CYSTM1: variants seen among roughly 807,000 people sequenced by gnomAD.
CYSTM1 encodes the protein cysteine-rich transmembrane module-containing protein 1.
A neutral mutation model predicts 13.1 loss-of-function variants in CYSTM1; 4 were observed. That is an observed-to-expected ratio of 0.31 (90% confidence interval 0.15 to 0.70). The LOEUF is 0.70. Ranked by LOEUF, CYSTM1 falls within the 30% of genes least tolerant of loss-of-function variation. CYSTM1 has a pLI of 0.72. For synonymous variants in CYSTM1, 36 were observed against 42.7 expected, an observed-to-expected ratio of 0.84 and a Z score of 0.62; for missense variants, 96 against 121.6, an observed-to-expected ratio of 0.79 and a Z score of 0.99.
chr5:140,193,706 G>C (rs1764119299), intron 1 of CYSTM1, among the ~76,000 whole-genome samples: 1 of 152,216 alleles, frequency 6.6e-6, no homozygotes, highest in Non-Finnish European at 1.5e-5. Context: ...TTGGGGGCTG[G>C]GAAGCGTGGC....
chr5:140,177,567 A>G lies in CYSTM1; in HGVS notation c.-21+2282A>G, dbSNP rs575887812. Among the ~76,000 whole-genome samples, 3 of 152,306 alleles carry G rather than the reference A, an allele frequency of 2.0e-5. No homozygotes were observed. In the South Asian group the frequency reaches 6.2e-4, roughly 32 times the overall value. On this transcript the variant is annotated intron_variant, in intron 1 of 2. Transcript: ENST00000261811. ...GGCCGCAGCTGGTTTGTGCGTAAAT[A>G]TAGAAACCGGTGCAGCACTCAAAGG...
chr5:140,194,653 G>A lies in CYSTM1; in HGVS notation c.187+1G>A. The A allele has an allele frequency of 6.2e-7, 1 of 1,609,620 alleles. No homozygotes were observed. The highest frequency in any genetic ancestry group is 8.5e-7 in the Non-Finnish European group (1 of 1,178,654). ...CCTCAGGAGCCTCCTAAAACCACAG[G>A]TGTGTGTCTCTGAATATGTGGGTGT... On this transcript the variant is annotated splice_donor_variant, in intron 2 of 2. Coordinates refer to ENST00000261811, the MANE Select transcript of CYSTM1 (RefSeq NM_032412.4). LOFTEE classifies it high-confidence loss of function.
At chr5:140,193,336 T>C (rs1297108397) in intron 1 of CYSTM1, among the ~76,000 whole-genome samples, 1 of 152,180 alleles carries the variant, frequency 6.6e-6, no homozygotes, top group African/African-American at 2.4e-5. Context: ...CAGGCTGGAG[T>C]GCAGTGGCAC....
At chr5:140,189,595 C>T (rs999560170) in intron 1 of CYSTM1, among the ~76,000 whole-genome samples, 1 of 152,126 alleles carries the variant, frequency 6.6e-6, no homozygotes, top group Non-Finnish European at 1.5e-5. Context: ...GGCTGGGATT[C>T]ATCCATGTTG....
chr5:140,222,524 T>C (rs1249959767), intron 2 of CYSTM1, among the ~76,000 whole-genome samples: 3 of 152,234 alleles, frequency 2.0e-5, no homozygotes, highest in Non-Finnish European at 4.4e-5. Flanking sequence ...CTAGCAATTC[T>C]CTAGATTCAC....
At chr5:140,180,913 T>G (rs4913071) in intron 1 of CYSTM1, among the ~76,000 whole-genome samples, 35,189 of 152,104 alleles carry the variant, frequency 0.23, 4,111 homozygotes, top group African/African-American at 0.25. Context: ...ATTCAGAGGT[T>G]CCTATCACTA....
chr5:140,239,217 G>GC lies in CYSTM1; in HGVS notation c.188-4086dup, dbSNP rs1174658715. Among the ~76,000 whole-genome samples the GC allele has an allele frequency of 1.3e-5, 2 of 152,172 alleles. No individual in the cohort carries two copies. Among genetic ancestry groups the GC allele is most frequent in the African/African-American group, 4.8e-5 (2 of 41,444 alleles). On this transcript the variant is annotated intron_variant, in intron 2 of 2. Transcript: ENST00000261811. This position sits in a 1 kb window ranked among gnomAD's most constrained non-coding sequence, Gnocchi z 5.4. The stretch of plus-strand genomic sequence containing the variant: ...AGCCATGCAGATGAAGGTTTCAGAT[G>GC]CCAGAATGGGGCTGAGAATTGGAGC...
Position 140,230,537 on chromosome 5 carries a change from A to G in CYSTM1, c.188-12768A>G, listed in dbSNP as rs528593463. 3.3e-5 allele frequency among the ~76,000 whole-genome samples: 5 copies of G among 152,298 alleles called. No homozygotes were observed. Among genetic ancestry groups the G allele is most frequent in the African/African-American group, 1.2e-4 (5 of 41,564 alleles). On this transcript the variant is annotated intron_variant, in intron 2 of 2. Coordinates refer to ENST00000261811, the MANE Select transcript of CYSTM1 (RefSeq NM_032412.4). This position sits in a 1 kb window ranked among gnomAD's most constrained non-coding sequence, Gnocchi z 4.1. ...ATAATCTCTTCATGCTACCTCTTGGATCCCATGTGCAAATTCAGGGGAGGG... is the reference window on the plus strand; with the variant it reads ...ATAATCTCTTCATGCTACCTCTTGGGTCCCATGTGCAAATTCAGGGGAGGG...
intron 2 of CYSTM1, among the ~76,000 whole-genome samples, chr5:140,206,314 C>T (rs963435442): frequency 1.3e-5 from 2 of 150,800 alleles, no homozygotes; most frequent in Non-Finnish European, 3.0e-5. Context: ...GCCTGACATA[C>T]TGTGTTTACT....
rs538692440 is a variant in CYSTM1, at chr5:140,188,624, A to C, written c.-20-5822A>C. On this transcript the variant is annotated intron_variant, in intron 1 of 2. Coordinates refer to ENST00000261811, the MANE Select transcript of CYSTM1 (RefSeq NM_032412.4). ...GAAACCCCGTCTCTACTAAAAATAC[A>C]AAACATTAGCTGGGCGCAGTGGCGG... Among the ~76,000 whole-genome samples, 3 of 152,254 alleles carry C rather than the reference A, an allele frequency of 2.0e-5. No homozygotes were observed. The South Asian group carries it at 6.2e-4, about 32-fold the overall frequency.
At chr5:140,242,045 A>G (rs1764755786) in intron 2 of CYSTM1, among the ~76,000 whole-genome samples, 1 of 152,226 alleles carries the variant, frequency 6.6e-6, no homozygotes, top group African/African-American at 2.4e-5. Context: ...TATCTACCTC[A>G]GGGTTGCTGT....
rs1161281232 is a variant in CYSTM1, at chr5:140,177,068, C to CAAAAAAAAAAAAAAA, written c.-21+1788_-21+1802dup. 2.8e-4 allele frequency among the ~76,000 whole-genome samples: 25 copies of CAAAAAAAAAAAAAAA among 87,940 alleles called. 2 individuals are homozygous for CAAAAAAAAAAAAAAA. Among genetic ancestry groups the CAAAAAAAAAAAAAAA allele is most frequent in the Non-Finnish European group, 2.6e-4 (12 of 45,798 alleles). The allele number at this position is 87,940 out of a possible 152,430, so 57.7% of individuals were successfully genotyped here. A position where few individuals can be genotyped will look rare whatever the true frequency, so the allele number is the denominator to read the frequency against. On this transcript the variant is annotated intron_variant, in intron 1 of 2. Coordinates refer to ENST00000261811, the MANE Select transcript of CYSTM1 (RefSeq NM_032412.4). Reference sequence around the variant, plus strand: ...TGGGCGACAGAGCGAGACTCTGTCTCAAAAAAAAAAAAAAAAAAATCTCTA... The same window carrying CAAAAAAAAAAAAAAA: ...TGGGCGACAGAGCGAGACTCTGTCTCAAAAAAAAAAAAAAAAAAAAAAAAAAAAAAAAAATCTCTA...
intron 1 of CYSTM1, among the ~76,000 whole-genome samples, chr5:140,177,606 G>A (rs1163243259): frequency 6.6e-6 from 1 of 152,152 alleles, no homozygotes; most frequent in South Asian, 2.1e-4. Flanking sequence ...GCAAATCCAG[G>A]GTGAGACCTG....
rs1271561841 is a variant in CYSTM1, at chr5:140,219,483, G to A, written c.188-23822G>A. Among the ~76,000 whole-genome samples the A allele has an allele frequency of 6.6e-6, 1 of 152,164 alleles. No individual in the cohort carries two copies. Among genetic ancestry groups the A allele is most frequent in the Non-Finnish European group, 1.5e-5 (1 of 68,044 alleles). ...ATCACCTTCTCACCACATTCATTGA[G>A]AATGGTCATCCTGTCCCATCCCTGA... is the stretch of plus-strand genomic sequence containing the variant. On this transcript the variant is annotated intron_variant, in intron 2 of 2. Coordinates refer to ENST00000261811, the MANE Select transcript of CYSTM1 (RefSeq NM_032412.4). The surrounding 1 kb of genome is among the most constrained non-coding windows in gnomAD (Gnocchi z 4.1).
chr5:140,200,275 T>C (rs1489268085), intron 2 of CYSTM1: 8 of 152,228 alleles, frequency 5.3e-5, no homozygotes, highest in South Asian at 2.1e-4. Flanking sequence ...AAGTCTTTAA[T>C]CCATATTGAG....
intron 1 of CYSTM1, among the ~76,000 whole-genome samples, chr5:140,184,127 A>C (rs1471334647): frequency 6.6e-6 from 1 of 152,226 alleles, no homozygotes; most frequent in East Asian, 1.9e-4. Context: ...TGTATTCATT[A>C]GTGTAACTGT....
intron 1 of CYSTM1, among the ~76,000 whole-genome samples, chr5:140,182,286 G>A (rs1234069762): frequency 6.6e-6 from 1 of 152,180 alleles, no homozygotes; most frequent in East Asian, 1.9e-4. Context: ...TAGATGGGTG[G>A]TAGGATGGTT....
chr5:140,236,701 T>G (rs1581074588), intron 2 of CYSTM1, among the ~76,000 whole-genome samples: 1 of 151,852 alleles, frequency 6.6e-6, no homozygotes, highest in South Asian at 2.1e-4. Flanking sequence ...CTCAGAGAGG[T>G]CAAGTGTCTT....
intron 2 of CYSTM1, among the ~76,000 whole-genome samples, chr5:140,215,832 T>C (rs899251718): frequency 1.3e-5 from 2 of 152,142 alleles, no homozygotes; most frequent in Non-Finnish European, 2.9e-5. Context: ...TGTGTGTGTA[T>C]ATTTTTAACT....
Sources: allele counts gnomAD v4.1 joint callset (sites outside exome capture counted in the v4.1 genomes callset), GRCh38; gene constraint gnomAD v4.1.1; non-coding constraint Gnocchi (gnomAD v3.1); transcripts MANE v1.5; gene names NCBI Gene and HGNC (gene_info 2026-07-23, HGNC 2026-07-21).